The following GLIS3 variants were observed in gnomAD, a reference collection of about 807,000 sequenced individuals.
The protein encoded by GLIS3 is zinc finger protein GLIS3.
GLIS3 carries 53 observed loss-of-function variants against 78.6 expected under a neutral mutation model. That is an observed-to-expected ratio of 0.67 (90% CI 0.54 to 0.85). The LOEUF (loss-of-function observed/expected upper bound fraction) is 0.85. Among genes scored for constraint, GLIS3 ranks in the 40% least tolerant of loss-of-function variants. The pLI, the probability that GLIS3 is intolerant of heterozygous loss-of-function variation, is 0.00. For synonymous variants in GLIS3, 684 were observed against 509.9 expected, an observed-to-expected ratio of 1.34 and a Z score of -4.60; for missense variants, 1,703 against 1,231.1, an observed-to-expected ratio of 1.38 and a Z score of -5.74.
At chr9:3,956,441 T>C (rs1817118525) in intron 4 of GLIS3, among the ~76,000 whole-genome samples, 1 of 152,198 alleles carries the variant, frequency 6.6e-6, no homozygotes, top group African/African-American at 2.4e-5. Flanking sequence ...TTGATGCCCT[T>C]TGTCTAATTC....
At chr9:4,193,516 TCAATAG>T (rs754148909) in intron 2 of GLIS3, among the ~76,000 whole-genome samples, 36 of 152,186 alleles carry the variant, frequency 2.4e-4, no homozygotes, top group Admixed American at 2.6e-4. Context: ...CTTCTGTAAC[TCAATAG>T]ACAGCTGAGA....
At chr9:4,335,846 C>T (rs1021319700) in intron 2 of GLIS3, among the ~76,000 whole-genome samples, 4 of 152,280 alleles carry the variant, frequency 2.6e-5, no homozygotes, top group Admixed American at 6.5e-5. Flanking sequence ...TAAGGTGATT[C>T]TTCCCTCATT....
intron 9 of GLIS3, among the ~76,000 whole-genome samples, chr9:3,853,634 T>C (rs1022458609): frequency 4.9e-4 from 74 of 152,320 alleles, no homozygotes; most frequent in Middle Eastern, 3.4e-3. Flanking sequence ...ACTTAACAAA[T>C]GTGAACTAAG....
At chr9:4,437,121 G>A in the GLIS3 span, among the ~76,000 whole-genome samples, 2 of 152,156 alleles carry the variant, frequency 1.3e-5, no homozygotes, top group Non-Finnish European at 2.9e-5. Flanking sequence ...GGAGACAGTG[G>A]CAGTGTGAAG....
intron 4 of GLIS3, among the ~76,000 whole-genome samples, chr9:4,004,090 C>A (rs1471436583): frequency 6.6e-6 from 1 of 152,096 alleles, no homozygotes. Context: ...CAGTTCTTGT[C>A]CTTGTGAATT....
chr9:4,207,578 T>C (rs992890937), intron 2 of GLIS3, among the ~76,000 whole-genome samples: 1 of 152,220 alleles, frequency 6.6e-6, no homozygotes, highest in South Asian at 2.1e-4. Flanking sequence ...ACTACGTGCC[T>C]TACACATAGT....
At position 4,084,469 on chromosome 9, in the gene GLIS3, G is replaced by C. The variant is rs776198698; in HGVS notation, c.1710+33299C>G. ...TCCAGCAGGTTCGCGTGGTGGAGAA[G>C]AAACAGCCACGGGAAAGGACTTCAC... On this transcript the variant is annotated intron_variant, in intron 4 of 10. Coordinates refer to ENST00000381971, the MANE Select transcript of GLIS3 (RefSeq NM_001042413.2). Among the ~76,000 whole-genome samples, 7 of 152,252 alleles carry C rather than the reference G, an allele frequency of 4.6e-5. No homozygotes were observed. The East Asian group carries it at 1.4e-3, about 29-fold the overall frequency.
At chr9:4,351,151 G>T (rs527614423), upstream of GLIS3, among the ~76,000 whole-genome samples, 2 of 152,292 alleles carry the variant, frequency 1.3e-5, no homozygotes, top group South Asian at 4.1e-4. Flanking sequence ...CAGGGAGCTG[G>T]AGAATTGCTT....
At chr9:4,452,450 A>T in the GLIS3 span, among the ~76,000 whole-genome samples, 1,766 of 152,320 alleles carry the variant, frequency 0.012, 38 homozygotes, top group African/African-American at 0.04. Flanking sequence ...AAACCTCCTT[A>T]AGCTGATAAG....
At chr9:4,095,796 T>C (rs1014998738) in intron 4 of GLIS3, among the ~76,000 whole-genome samples, 1 of 152,210 alleles carries the variant, frequency 6.6e-6, no homozygotes, top group East Asian at 1.9e-4. Flanking sequence ...TCTGCCATTG[T>C]AGTTCTCCAA....
chr9:4,432,401 C>T, the GLIS3 span, among the ~76,000 whole-genome samples: 4 of 151,988 alleles, frequency 2.6e-5, no homozygotes, highest in Admixed American at 6.6e-5. Flanking sequence ...AGCAAGAAAG[C>T]GTTGTAGGCT....
chr9:4,382,545 G>A, the GLIS3 span, among the ~76,000 whole-genome samples: 2 of 152,026 alleles, frequency 1.3e-5, no homozygotes, highest in African/African-American at 4.8e-5. Context: ...TTTGTTCTCT[G>A]ACTTCTAGAG....
At chr9:4,214,440 T>C (rs1268301479) in intron 2 of GLIS3, among the ~76,000 whole-genome samples, 2 of 152,306 alleles carry the variant, frequency 1.3e-5, no homozygotes, top group East Asian at 3.9e-4. Context: ...ATGTCTTCTG[T>C]GTGCGGTAAC....
chr9:4,391,376 T>C, the GLIS3 span, among the ~76,000 whole-genome samples: 1 of 152,360 alleles, frequency 6.6e-6, no homozygotes, highest in South Asian at 2.1e-4. Flanking sequence ...GTGTGTTCTC[T>C]TATTGGTATA....
chr9:4,234,896 G>C (rs1822573043), intron 2 of GLIS3, among the ~76,000 whole-genome samples: 1 of 152,128 alleles, frequency 6.6e-6, no homozygotes, highest in African/African-American at 2.4e-5. Context: ...TGCTCCCTAA[G>C]AGTCCCTAGA....
chr9:4,405,664 AC>A, the GLIS3 span, among the ~76,000 whole-genome samples: 1 of 152,146 alleles, frequency 6.6e-6, no homozygotes, highest in Non-Finnish European at 1.5e-5. Context: ...ACTAATAGCA[AC>A]CCTACTCAAA....
chr9:4,233,708 A>G (rs974932615), intron 2 of GLIS3, among the ~76,000 whole-genome samples: 14 of 152,212 alleles, frequency 9.2e-5, no homozygotes, highest in Non-Finnish European at 2.1e-4. Context: ...CTAACAAGGG[A>G]GCCAGCCTGT....
At chr9:4,098,422 G>C (rs577580446) in intron 4 of GLIS3, among the ~76,000 whole-genome samples, 1 of 152,172 alleles carries the variant, frequency 6.6e-6, no homozygotes, top group South Asian at 2.1e-4. Context: ...CCATGAGCAA[G>C]ATCGATACAC....
At chr9:4,033,651 A>T (rs1354949774) in intron 4 of GLIS3, among the ~76,000 whole-genome samples, 1 of 152,146 alleles carries the variant, frequency 6.6e-6, no homozygotes, top group Non-Finnish European at 1.5e-5. Context: ...GACCTATTCA[A>T]TCAAAATCTC....
Sources: allele counts gnomAD v4.1 joint callset (sites outside exome capture counted in the v4.1 genomes callset), GRCh38; gene constraint gnomAD v4.1.1; transcripts MANE v1.5; gene names NCBI Gene and HGNC (gene_info 2026-07-23, HGNC 2026-07-21).